Variants in HS6ST3 observed in about 807,000 individuals in gnomAD.
The protein encoded by HS6ST3 is heparan-sulfate 6-O-sulfotransferase 3.
A neutral mutation model predicts 36.7 loss-of-function variants in HS6ST3; 12 were observed. The ratio of observed to expected loss-of-function variants is 0.33; its 90% CI spans 0.21 to 0.53. The LOEUF is 0.53. Among genes scored for constraint, HS6ST3 ranks in the 20% least tolerant of loss-of-function variants. The pLI is 0.95. For missense variants in HS6ST3, 584 were observed against 640.9 expected, an observed-to-expected ratio of 0.91 and a Z score of 0.96; for synonymous variants, 240 against 257.5, an observed-to-expected ratio of 0.93 and a Z score of 0.65.
chr13:96,161,044 A>G (rs985815010), intron 1 of HS6ST3, among the ~76,000 whole-genome samples: 13 of 152,166 alleles, frequency 8.5e-5, no homozygotes, highest in African/African-American at 1.9e-4. Context: ...TTATAAATAC[A>G]TATTTGCCAA....
chr13:96,518,921 T>A (rs1184663265), intron 1 of HS6ST3, among the ~76,000 whole-genome samples: 1 of 152,188 alleles, frequency 6.6e-6, no homozygotes, highest in Non-Finnish European at 1.5e-5. Flanking sequence ...TTCTAAAAAC[T>A]ACAGGTTTCT....
intron 1 of HS6ST3, among the ~76,000 whole-genome samples, chr13:96,317,818 T>C (rs1412328922): frequency 2.0e-5 from 3 of 152,102 alleles, no homozygotes; most frequent in African/African-American, 7.2e-5. Flanking sequence ...TGATTAATTA[T>C]AATGAGCATT....
At chr13:96,580,524 T>C (rs1054048640) in intron 1 of HS6ST3, among the ~76,000 whole-genome samples, 1 of 152,074 alleles carries the variant, frequency 6.6e-6, no homozygotes, top group Non-Finnish European at 1.5e-5. Flanking sequence ...GATTGTTTGC[T>C]AATCCCTACC....
In HS6ST3 at chr13:96,407,433, A is replaced by G. The variant is rs1030195000; in HGVS notation, c.707+315864A>G. 2.6e-5 allele frequency among the ~76,000 whole-genome samples: 4 copies of G among 152,182 alleles called. No homozygotes were observed. In the East Asian group the frequency reaches 7.7e-4, roughly 29 times the overall value. On this transcript the variant is annotated intron_variant, in intron 1 of 1. Transcript: ENST00000376705. ...TTCTTTCACTGGTGAAATGGGGATA[A>G]TAATAGTATCTACCTTATAGAGTTG... is the stretch of plus-strand genomic sequence containing the variant.
At chr13:96,710,212 A>T (rs2138460216) in intron 1 of HS6ST3, among the ~76,000 whole-genome samples, 1 of 152,390 alleles carries the variant, frequency 6.6e-6, no homozygotes, top group Admixed American at 6.5e-5. Context: ...TGGCCAAAAA[A>T]GACAGCCAAA....
At chr13:96,697,697 A>T (rs1213540166) in intron 1 of HS6ST3, among the ~76,000 whole-genome samples, 2 of 152,206 alleles carry the variant, frequency 1.3e-5, no homozygotes, top group Non-Finnish European at 2.9e-5. Flanking sequence ...AACTGGTTTC[A>T]AGCCAATCTG....
chr13:96,578,687 G>A (rs1464662597), intron 1 of HS6ST3, among the ~76,000 whole-genome samples: 1 of 152,062 alleles, frequency 6.6e-6, no homozygotes, highest in Non-Finnish European at 1.5e-5. Context: ...AGCCTCCCAG[G>A]TAGCTGGGAT....
intron 1 of HS6ST3, among the ~76,000 whole-genome samples, chr13:96,216,003 C>T (rs2054424008): frequency 6.6e-6 from 1 of 152,168 alleles, no homozygotes; most frequent in African/African-American, 2.4e-5. Flanking sequence ...GCTTCCAGAG[C>T]TGACCCACTG....
chr13:96,722,846 G>A (rs537484898), intron 1 of HS6ST3, among the ~76,000 whole-genome samples: 17 of 152,162 alleles, frequency 1.1e-4, no homozygotes, highest in Middle Eastern at 3.4e-3. Flanking sequence ...GCATGGTGGC[G>A]TGCGCCTGTA....
chr13:96,271,428 C>T (rs962298411), intron 1 of HS6ST3, among the ~76,000 whole-genome samples: 1 of 151,952 alleles, frequency 6.6e-6, no homozygotes, highest in African/African-American at 2.4e-5. Flanking sequence ...CCAGTAGGAG[C>T]TGGCTCCAGC....
At chr13:96,324,335 C>T (rs189197183) in intron 1 of HS6ST3, among the ~76,000 whole-genome samples, 59 of 152,156 alleles carry the variant, frequency 3.9e-4, no homozygotes, top group African/African-American at 1.0e-3. Flanking sequence ...CCAGCACACC[C>T]GGAGAGCATA....
intron 1 of HS6ST3, among the ~76,000 whole-genome samples, chr13:96,549,209 T>G (rs58302633): frequency 0.019 from 2,895 of 152,262 alleles, 91 homozygotes; most frequent in African/African-American, 0.065. Context: ...CCTTTTTTTT[T>G]TGGTTTTATT....
intron 1 of HS6ST3, among the ~76,000 whole-genome samples, chr13:96,627,271 T>C (rs2056516264): frequency 6.6e-6 from 1 of 152,082 alleles, no homozygotes; most frequent in Non-Finnish European, 1.5e-5. Flanking sequence ...AATGCTTTTG[T>C]GCATCTGCGT....
chr13:96,112,582 T>TAA (rs1321584593), intron 1 of HS6ST3, among the ~76,000 whole-genome samples: 2 of 41,758 alleles, frequency 4.8e-5, no homozygotes, highest in African/African-American at 1.6e-4. Context: ...TAAATAAATA[T>TAA]ATATATATAT....
intron 1 of HS6ST3, among the ~76,000 whole-genome samples, chr13:96,282,530 G>T (rs1292221211): frequency 6.6e-6 from 1 of 152,154 alleles, no homozygotes; most frequent in Non-Finnish European, 1.5e-5. Context: ...CTTACCCAAA[G>T]TTGTTCTGTC....
chr13:96,682,397 T>C (rs2056721525), intron 1 of HS6ST3, among the ~76,000 whole-genome samples: 1 of 152,174 alleles, frequency 6.6e-6, no homozygotes. Context: ...CATCCATGTT[T>C]AGTTCATCTT....
At chr13:96,318,869 G>A (rs1389269289) in intron 1 of HS6ST3, among the ~76,000 whole-genome samples, 1 of 152,116 alleles carries the variant, frequency 6.6e-6, no homozygotes, top group African/African-American at 2.4e-5. Context: ...TTCTAACAAT[G>A]ACATTGAAAG....
At chr13:96,261,986 A>T (rs1188691721) in intron 1 of HS6ST3, among the ~76,000 whole-genome samples, 1 of 152,198 alleles carries the variant, frequency 6.6e-6, no homozygotes, top group Non-Finnish European at 1.5e-5. Flanking sequence ...GTACAATAAG[A>T]ACCCTAGAAT....
chr13:96,221,660 G>A (rs1304022421), intron 1 of HS6ST3, among the ~76,000 whole-genome samples: 1 of 152,086 alleles, frequency 6.6e-6, no homozygotes, highest in Non-Finnish European at 1.5e-5. Flanking sequence ...GGGTAAACTG[G>A]TGATCCCTAG....
Sources: gnomAD v4.1 joint callset for allele counts (sites outside exome capture counted in the v4.1 genomes callset) on GRCh38, gnomAD v4.1.1 for gene constraint, MANE v1.5 for transcripts, NCBI Gene and HGNC (gene_info 2026-07-23, HGNC 2026-07-21) for gene names.